ADAMTS18: variants seen among roughly 807,000 people sequenced by gnomAD.
ADAMTS18 encodes the protein A disintegrin and metalloproteinase with thrombospondin motifs 18.
ADAMTS18 carries 157 observed loss-of-function variants against 165.9 expected under a neutral mutation model. The ratio of observed to expected loss-of-function variants is 0.95; its 90% CI spans 0.83 to 1.08. ADAMTS18 has a LOEUF of 1.08. Among genes scored for constraint, ADAMTS18 ranks in the 50% least tolerant of loss-of-function variants. The pLI is 0.00. For synonymous variants in ADAMTS18, 782 were observed against 578.2 expected, an observed-to-expected ratio of 1.35 and a Z score of -5.06; for missense variants, 2,040 against 1,534.0, an observed-to-expected ratio of 1.33 and a Z score of -5.51.
chr16:77,353,702 A>C (rs758335908), intron 10 of ADAMTS18, 31 bp downstream of exon 10: 2 of 1,614,158 alleles, frequency 1.2e-6, no homozygotes, highest in Non-Finnish European at 1.7e-6. Context: ...GCAGAGTCTT[A>C]ATGTAAGTTT....
chr16:77,384,094 T>C (rs554505805), intron 3 of ADAMTS18, among the ~76,000 whole-genome samples: 2 of 152,288 alleles, frequency 1.3e-5, no homozygotes, highest in African/African-American at 4.8e-5. Flanking sequence ...GACTTCCCTA[T>C]GTCCATTGTT....
intron 16 of ADAMTS18, among the ~76,000 whole-genome samples, chr16:77,317,105 C>T (rs190294254): frequency 1.2e-3 from 180 of 152,152 alleles, no homozygotes; most frequent in African/African-American, 4.1e-3. Context: ...TTCAAAAAGT[C>T]TGTTTTTTTA....
At chr16:77,333,477 T>C (rs1381718298) in intron 12 of ADAMTS18, among the ~76,000 whole-genome samples, 2 of 116,918 alleles carry the variant, frequency 1.7e-5, no homozygotes, top group Admixed American at 9.8e-5. Context: ...AAAATAATAA[T>C]GAAAAAAGAA....
intron 16 of ADAMTS18, among the ~76,000 whole-genome samples, chr16:77,317,316 G>T (rs1349137404): frequency 6.6e-6 from 1 of 152,132 alleles, no homozygotes; most frequent in South Asian, 2.1e-4. Flanking sequence ...CAGTGCATGT[G>T]ACACAGAGGA....
At chr16:77,371,128 T>C (rs955373362) in intron 3 of ADAMTS18, among the ~76,000 whole-genome samples, 4 of 152,092 alleles carry the variant, frequency 2.6e-5, no homozygotes, top group African/African-American at 7.2e-5. Context: ...GCTGGGAGGA[T>C]TGCCTTAGTC....
At chr16:77,418,253 T>C (rs757360254) in intron 3 of ADAMTS18, among the ~76,000 whole-genome samples, 6 of 152,166 alleles carry the variant, frequency 3.9e-5, no homozygotes, top group Non-Finnish European at 7.3e-5. Flanking sequence ...CCTGAAATCA[T>C]TATTCATAAT....
chr16:77,386,910 T>A lies in ADAMTS18; in HGVS notation c.496-19187A>T, dbSNP rs959397312. 2.0e-5 allele frequency among the ~76,000 whole-genome samples: 3 copies of A among 152,186 alleles called. No homozygotes were observed. The East Asian group carries it at 5.8e-4, about 29-fold the overall frequency. ...AATCTGTGAGTCTGCAAATTCTTGG[T>A]GCTGTCCTACAGCAACAAACTACAG... is the stretch of plus-strand genomic sequence containing the variant. On this transcript the variant is annotated intron_variant, in intron 3 of 22. Coordinates refer to ENST00000282849, the MANE Select transcript of ADAMTS18 (RefSeq NM_199355.4).
At chr16:77,313,551 T>C (rs528417548) in intron 16 of ADAMTS18, among the ~76,000 whole-genome samples, 89 of 151,472 alleles carry the variant, frequency 5.9e-4, no homozygotes, top group African/African-American at 1.7e-3. Context: ...TCTGTGTTTA[T>C]GACCAAAACT....
Position 77,283,985 on chromosome 16 carries a change from A to G in ADAMTS18, c.3637T>C (p.Cys1213Arg), listed in dbSNP as rs1010307615. 1 of 1,613,992 alleles carries G rather than the reference A, an allele frequency of 6.2e-7. No individual in the cohort carries two copies. The highest frequency in any genetic ancestry group is 8.5e-7 in the Non-Finnish European group (1 of 1,179,916). The change falls in exon 23 of 23, where the codon TGC (cysteine) becomes CGC (arginine). Residue 1213 changes from cysteine to arginine, a missense_variant. Physicochemically the swap from Cys to Arg is radical, Grantham distance 180. Coordinates refer to ENST00000282849, the MANE Select transcript of ADAMTS18 (RefSeq NM_199355.4). ...ATCTTCCTTGTGCATGACTTGCAGCATTGTTTTCCGTAAAACTTGTGGTTG... is the reference window on the plus strand; with the variant it reads ...ATCTTCCTTGTGCATGACTTGCAGCGTTGTTTTCCGTAAAACTTGTGGTTG... ...VCNHKFYGKQCCKSCTRKI is the reference protein window; with the variant it reads ...VCNHKFYGKQRCKSCTRKI
chr16:77,367,864 CTGCACCATTACAACGAGT>C, intron 3 of ADAMTS18, 141 bp from the exon 4 acceptor site: 1 of 943,884 alleles, frequency 1.1e-6, no homozygotes, highest in Non-Finnish European at 1.7e-6. Context: ...TCATTTTTAT[CTGCACCATTACAACGAGT>C]TGCTATTATT....
At chr16:77,417,453 G>T (rs1338009148) in intron 3 of ADAMTS18, among the ~76,000 whole-genome samples, 3 of 152,178 alleles carry the variant, frequency 2.0e-5, no homozygotes, top group African/African-American at 7.2e-5. Context: ...TTTAGAACAT[G>T]CTGCTAATTA....
chr16:77,413,823 A>G (rs2057495911), intron 3 of ADAMTS18, among the ~76,000 whole-genome samples: 1 of 151,234 alleles, frequency 6.6e-6, no homozygotes, highest in African/African-American at 2.4e-5. Flanking sequence ...AAAAAAAAGC[A>G]AAAGTTAATT....
chr16:77,412,743 A>G (rs2057481106), intron 3 of ADAMTS18, among the ~76,000 whole-genome samples: 3 of 152,298 alleles, frequency 2.0e-5, no homozygotes, highest in Middle Eastern at 6.8e-3. Flanking sequence ...CATGAGACTT[A>G]TTCACTACCA....
intron 18 of ADAMTS18, among the ~76,000 whole-genome samples, 187 bp from the exon 19 acceptor site, chr16:77,295,314 T>A (rs1209758481): frequency 2.0e-5 from 3 of 152,166 alleles, no homozygotes; most frequent in Non-Finnish European, 4.4e-5. Flanking sequence ...ATATAAATAA[T>A]CACATTTAAT....
intron 3 of ADAMTS18, among the ~76,000 whole-genome samples, chr16:77,407,934 A>T (rs115297330): frequency 6.6e-6 from 1 of 152,116 alleles, no homozygotes; most frequent in Non-Finnish European, 1.5e-5. Flanking sequence ...TAAAATTTAA[A>T]AAGTGATTCA....
chr16:77,336,909 G>A (rs952377567), intron 11 of ADAMTS18, among the ~76,000 whole-genome samples: 6 of 152,184 alleles, frequency 3.9e-5, no homozygotes, highest in African/African-American at 1.4e-4. Flanking sequence ...AAAGGGTTGG[G>A]GTTTGGACCA....
In ADAMTS18 at chr16:77,293,224, C is replaced by T. The variant is rs139701298; in HGVS notation, c.3041G>A (p.Arg1014His). The change falls in exon 20 of 23, where the codon CGT becomes CAT. Residue 1014 changes from arginine (R) to histidine (H), a missense_variant. Coordinates refer to ENST00000282849, the MANE Select transcript of ADAMTS18 (RefSeq NM_199355.4). ...SKTCGRGVRK[R>H]ELLCKGSAAE... ...GGCAGAGCCCTTGCAGAGGAGTTCACGCTTCCTCACCCCTCGTCCACAGGT... is the reference window on the plus strand; with the variant it reads ...GGCAGAGCCCTTGCAGAGGAGTTCATGCTTCCTCACCCCTCGTCCACAGGT... The T allele has an allele frequency of 8.1e-6, 13 of 1,613,870 alleles. No homozygotes were observed. The highest frequency in any genetic ancestry group is 2.2e-5 in the East Asian group (1 of 44,846).
At chr16:77,417,753 A>T (rs1035014674) in intron 3 of ADAMTS18, among the ~76,000 whole-genome samples, 2 of 152,246 alleles carry the variant, frequency 1.3e-5, no homozygotes, top group African/African-American at 4.8e-5. Context: ...AATAATAATC[A>T]TCATCATAAT....
At chr16:77,373,601 T>C (rs1457827137) in intron 3 of ADAMTS18, among the ~76,000 whole-genome samples, 2 of 152,028 alleles carry the variant, frequency 1.3e-5, no homozygotes, top group African/African-American at 2.4e-5. Context: ...AGTGTACAAA[T>C]TGGGTGCGGT....
Sources: gnomAD v4.1 joint callset for allele counts (sites outside exome capture counted in the v4.1 genomes callset) on GRCh38, gnomAD v4.1.1 for gene constraint, MANE v1.5 for transcripts, NCBI Gene and HGNC (gene_info 2026-07-23, HGNC 2026-07-21) for gene names.